Variants in KIAA1217 observed in about 807,000 individuals in gnomAD.
The protein encoded by KIAA1217 is sickle tail protein homolog.
In KIAA1217, 88 loss-of-function variants were observed where a neutral mutation model predicts 163.9. The ratio of observed to expected loss-of-function variants is 0.54; its 90% CI spans 0.45 to 0.64. The LOEUF is 0.64. Ranked by LOEUF, KIAA1217 falls within the 30% of genes least tolerant of loss-of-function variation. The probability of loss-of-function intolerance (pLI) is 0.00; values close to 1 mark genes in which losing one functional copy is unlikely to be tolerated. For missense variants in KIAA1217, 2,372 were observed against 2,475.0 expected (o/e 0.96, Z 0.88); for synonymous variants, 903 against 923.1 (o/e 0.98, Z 0.39).
chr10:24,346,157 C>T (rs1263107857), intron 2 of KIAA1217, among the ~76,000 whole-genome samples: 1 of 152,150 alleles, frequency 6.6e-6, no homozygotes, highest in Non-Finnish European at 1.5e-5. Flanking sequence ...GTCAGAATTT[C>T]CTTTTTAAGG....
intron 2 of KIAA1217, among the ~76,000 whole-genome samples, chr10:24,041,526 A>G (rs1163695611): frequency 6.6e-6 from 1 of 152,204 alleles, no homozygotes; most frequent in Non-Finnish European, 1.5e-5. Context: ...GCACACACAT[A>G]TGCACATACA....
Position 24,542,944 on chromosome 10 carries a change from G to C in KIAA1217, c.3674G>C (p.Ser1225Thr). ...AAGTGGGAAAGAGGAATGGAGAATA[G>C]TATTTCTGATGCATCAAGAACATCA... Reference protein sequence around the residue: ...PPKWERGMENSISDASRTSEY... With the variant: ...PPKWERGMENTISDASRTSEY... The change falls in exon 19 of 21, where the codon AGT becomes ACT. Residue 1225 changes from serine to threonine, a missense_variant. Ser to Thr is a moderately conservative substitution (Grantham distance 58). Around this residue, in one of 3 missense-constraint regions of KIAA1217, gnomAD observed 251 missense variants for 327.3 expected, o/e 0.77. Transcript: ENST00000376454. 1 of 1,613,724 alleles carries C rather than the reference G, an allele frequency of 6.2e-7. No homozygotes were observed. Among genetic ancestry groups the C allele is most frequent in the Non-Finnish European group, 8.5e-7 (1 of 1,179,798 alleles).
chr10:24,105,876 G>C (rs1282062385), intron 2 of KIAA1217, among the ~76,000 whole-genome samples: 1 of 152,182 alleles, frequency 6.6e-6, no homozygotes, highest in African/African-American at 2.4e-5. Context: ...GTGGAGCCTT[G>C]GGGGAGGAAA....
Position 23,698,711 on chromosome 10 carries a change from G to A in KIAA1217, c.-321+3477G>A, listed in dbSNP as rs1361144196. On this transcript the variant is annotated intron_variant, in intron 1 of 18. Transcript: ENST00000376462. ...AAATGCATGAGTCCCTTATGTTGTC[G>A]ACCGTAGGCTTAAGAGAAAAATCAC... Among the ~76,000 whole-genome samples, 14 of 152,210 alleles carry A rather than the reference G, an allele frequency of 9.2e-5. No individual in the cohort carries two copies. The South Asian group carries it at 1.9e-3, about 20-fold the overall frequency.
intron 1 of KIAA1217, among the ~76,000 whole-genome samples, chr10:23,770,865 T>G (rs1243437968): frequency 6.6e-6 from 1 of 152,220 alleles, no homozygotes; most frequent in African/African-American, 2.4e-5. Flanking sequence ...AAGGATTATA[T>G]TTATGGCTTG....
At chr10:24,079,532 A>T (rs1386375457) in intron 2 of KIAA1217, among the ~76,000 whole-genome samples, 1 of 152,198 alleles carries the variant, frequency 6.6e-6, no homozygotes, top group African/African-American at 2.4e-5. Flanking sequence ...AGGAAATATG[A>T]TCAGCCAATT....
chr10:23,769,992 A>T (rs1297483186), intron 1 of KIAA1217, among the ~76,000 whole-genome samples: 1 of 152,206 alleles, frequency 6.6e-6, no homozygotes, highest in African/African-American at 2.4e-5. Flanking sequence ...GCATTTACAA[A>T]TTCAGGGACC....
intron 1 of KIAA1217, among the ~76,000 whole-genome samples, chr10:23,945,980 C>T (rs374762428): frequency 6.6e-6 from 1 of 152,122 alleles, no homozygotes; most frequent in Admixed American, 6.6e-5. Context: ...GACTGTAGAG[C>T]TTACTCTAGT....
At chr10:23,978,079 CTGTT>C (rs1238001728) in intron 1 of KIAA1217, among the ~76,000 whole-genome samples, 16 of 152,166 alleles carry the variant, frequency 1.1e-4, no homozygotes, top group Non-Finnish European at 1.8e-4. Context: ...TTAAACATGA[CTGTT>C]TGTTCCAGCA....
chr10:23,813,028 G>A (rs1837145885), intron 1 of KIAA1217, among the ~76,000 whole-genome samples: 2 of 152,114 alleles, frequency 1.3e-5, no homozygotes, highest in Admixed American at 6.5e-5. Flanking sequence ...GTTTTCCAAA[G>A]AGGCTACACC....
intron 1 of KIAA1217, among the ~76,000 whole-genome samples, chr10:23,730,519 T>C (rs1838416878): frequency 6.6e-6 from 1 of 152,194 alleles, no homozygotes; most frequent in African/African-American, 2.4e-5. Context: ...AGTTTGTTCA[T>C]ATCTACAAAA....
At chr10:24,236,897 C>T (rs1429596085) in intron 2 of KIAA1217, among the ~76,000 whole-genome samples, 1 of 152,046 alleles carries the variant, frequency 6.6e-6, no homozygotes, top group Non-Finnish European at 1.5e-5. Flanking sequence ...AAAGATCCTG[C>T]TACCTCAGCC....
In KIAA1217 at chr10:24,188,266, GT is replaced by G. The variant is rs1285121380; in HGVS notation, c.-170-31356del. 3.3e-5 allele frequency among the ~76,000 whole-genome samples: 5 copies of G among 152,294 alleles called. No homozygotes were observed. In the South Asian group the frequency reaches 8.3e-4, roughly 25 times the overall value. On this transcript the variant is annotated intron_variant, in intron 2 of 18. Coordinates refer to the KIAA1217 transcript ENST00000376462. The stretch of plus-strand genomic sequence containing the variant: ...TGTTTTAAATATGTTTATTTGTAGT[GT>G]TTTAAGTGACTTAGCTCTTCAATTA...
chr10:24,344,897 C>A (rs1360723155), intron 2 of KIAA1217, among the ~76,000 whole-genome samples: 1 of 152,120 alleles, frequency 6.6e-6, no homozygotes, highest in Non-Finnish European at 1.5e-5. Flanking sequence ...CTGTTCTTAT[C>A]TCAGAATCAA....
chr10:24,088,225 G>C (rs1206113736), intron 2 of KIAA1217, among the ~76,000 whole-genome samples: 1 of 108,076 alleles, frequency 9.3e-6, no homozygotes, highest in African/African-American at 3.2e-5. Context: ...TCCCAAACTT[G>C]TGTCCTCCCA....
intron 1 of KIAA1217, among the ~76,000 whole-genome samples, chr10:23,755,501 G>C (rs1365312561): frequency 6.6e-6 from 1 of 152,176 alleles, no homozygotes; most frequent in African/African-American, 2.4e-5. Context: ...ATTGGTAAGA[G>C]TATATAGAAT....
chr10:24,161,199 C>T (rs552665363), intron 2 of KIAA1217, among the ~76,000 whole-genome samples: 5 of 152,298 alleles, frequency 3.3e-5, no homozygotes, highest in African/African-American at 9.6e-5. Flanking sequence ...CTCTCAGAGC[C>T]TTGGGGAAAC....
intron 1 of KIAA1217, among the ~76,000 whole-genome samples, chr10:23,841,827 C>CTT (rs946474049): frequency 4.5e-5 from 6 of 133,492 alleles, no homozygotes; most frequent in Admixed American, 3.8e-4. Context: ...ACCATTGGGA[C>CTT]TTTATTTTAT....
chr10:24,113,096 T>C (rs1056557333), intron 2 of KIAA1217, among the ~76,000 whole-genome samples: 4 of 152,054 alleles, frequency 2.6e-5, no homozygotes, highest in African/African-American at 9.7e-5. Context: ...TAAATTCTTA[T>C]TGCTTTAAGC....
Sources: allele counts gnomAD v4.1 joint callset (sites outside exome capture counted in the v4.1 genomes callset), GRCh38; gene constraint gnomAD v4.1.1; regional missense constraint gnomAD v4.1.1; transcripts MANE v1.5; gene names NCBI Gene and HGNC (gene_info 2026-07-23, HGNC 2026-07-21).